Variants in S100A7A observed in about 807,000 individuals in gnomAD.
S100A7A encodes the protein protein S100-A7A.
Under a neutral mutation model 4.0 loss-of-function variants are expected in S100A7A, and 5 were observed. The observed-to-expected ratio is 1.26, with a 90% CI of 0.66 to 2.66. The LOEUF is 2.66. Ranked by LOEUF, S100A7A falls within the 30% of genes most tolerant of loss-of-function variation. The pLI, the probability that S100A7A is intolerant of heterozygous loss-of-function variation, is 0.01. For missense variants in S100A7A, 159 were observed against 125.1 expected (o/e 1.27, Z -1.29); for synonymous variants, 52 against 46.4 (o/e 1.12, Z -0.49).
rs1662925484 is a variant in S100A7A at position 153,422,603 on chromosome 1, T to G, written c.*3294T>G. 4.6e-6 allele frequency: 4 copies of G among 869,598 alleles called. No homozygotes were observed. The South Asian group carries it at 2.1e-4, about 46-fold the overall frequency. The allele number at this position is 869,598 out of a possible 1,614,324, so 53.9% of individuals were successfully genotyped here. A position where few individuals can be genotyped will look rare whatever the true frequency, so the allele number is the denominator to read the frequency against. The stretch of plus-strand genomic sequence containing the variant: ...AAAACATTCCAATAACTTTTTTTTT[T>G]CAGGCGCAGTCTCACTCTGTCGCCC... On this transcript the variant is annotated 3_prime_UTR_variant, in exon 3 of 3. Transcript: ENST00000368729.
intron 2 of S100A7A, 134 bp downstream of exon 2, chr1:153,418,357 G>C: frequency 8.4e-7 from 1 of 1,184,586 alleles, no homozygotes; most frequent in Non-Finnish European, 1.2e-6. Context: ...GGGCTTTATT[G>C]CTTGGATCAT....
chr1:153,417,475 T>A (rs114660874), intron 1 of S100A7A, among the ~76,000 whole-genome samples: 1,739 of 152,314 alleles, frequency 0.011, 32 homozygotes, highest in African/African-American at 0.039. Context: ...AAGGGCCCCC[T>A]GTCCTCGGGA....
chr1:153,417,988 C>G (rs955309255), intron 1 of S100A7A, 78 bp from the exon 2 acceptor site: 55 of 1,558,412 alleles, frequency 3.5e-5, no homozygotes, highest in Non-Finnish European at 4.7e-5. Flanking sequence ...ACTCTGTCCT[C>G]AGCCCTCCTT....
chr1:153,421,695 G>A lies in S100A7A; in HGVS notation c.*2386G>A, dbSNP rs1246477238. The A allele has an allele frequency of 1.3e-5, 2 of 152,256 alleles. No homozygotes were observed. Among genetic ancestry groups the A allele is most frequent in the East Asian group, 1.9e-4 (1 of 5,192 alleles). The allele number at this position is 152,256 out of a possible 1,614,324, so 9.4% of individuals were successfully genotyped here. A position where few individuals can be genotyped will look rare whatever the true frequency, so the allele number is the denominator to read the frequency against. ...GGACTCACGTACTGATCTCCCAAAA[G>A]AAGAGAGGGTCTCCCTGGGGTGGGG... On this transcript the variant is annotated 3_prime_UTR_variant, in exon 3 of 3. Transcript: ENST00000368729.
rs1270762452 is a variant in S100A7A at position 153,421,145 on chromosome 1, C to G, written c.*1836C>G. 6.6e-6 allele frequency: 1 copy of G among 152,180 alleles called. No homozygotes were observed. Among genetic ancestry groups the G allele is most frequent in the Admixed American group, 6.5e-5 (1 of 15,276 alleles). 9.4% of individuals were successfully genotyped at this position (152,180 alleles called of 1,614,324 possible). On this transcript the variant is annotated 3_prime_UTR_variant, in exon 3 of 3. Coordinates refer to ENST00000368729, the MANE Select transcript of S100A7A (RefSeq NM_176823.4). ...ATCTCAGTATTTCATGTCTCAATAC[C>G]AATCTTTTAAACTACTGCCTCTACC...
In S100A7A at chr1:153,419,297, G is replaced by C. The variant is rs371880984; in HGVS notation, c.294G>C (p.Gly98=). 1.2e-6 allele frequency: 2 copies of C among 1,614,092 alleles called. No individual in the cohort carries two copies. The highest frequency in any genetic ancestry group is 1.7e-5 in the Admixed American group (1 of 60,020). Residue 98 remains glycine, a synonymous_variant, in exon 3 of 3, where the codon GGG becomes GGC. Coordinates refer to ENST00000368729, the MANE Select transcript of S100A7A (RefSeq NM_176823.4). Reference sequence around the variant, plus strand: ...GCCATGGAGCGGCGCCCTGTTCTGGGGGAAGCCAGTGATCCAGCCCCACCA... The same window carrying C: ...GCCATGGAGCGGCGCCCTGTTCTGGCGGAAGCCAGTGATCCAGCCCCACCA... The part of the protein sequence containing the change: ...KQSHGAAPCS[G]GSQ
chr1:153,422,378 G>T lies in S100A7A; in HGVS notation c.*3069G>T. On this transcript the variant is annotated 3_prime_UTR_variant, in exon 3 of 3. Transcript: ENST00000368729. Reference sequence around the variant, plus strand: ...AAGGCCTAAGGGCACAGGTATTAGTGTCATATTGATCAGAATTCAACCTTT... The same window carrying T: ...AAGGCCTAAGGGCACAGGTATTAGTTTCATATTGATCAGAATTCAACCTTT... 1 of 360,526 alleles carries T rather than the reference G, an allele frequency of 2.8e-6. No homozygotes were observed. The highest frequency in any genetic ancestry group is 3.9e-6 in the Non-Finnish European group (1 of 258,830). 22.3% of individuals were successfully genotyped at this position (360,526 alleles called of 1,614,324 possible).
intron 1 of S100A7A, among the ~76,000 whole-genome samples, chr1:153,417,641 A>G (rs139489539): frequency 6.6e-6 from 1 of 152,324 alleles, no homozygotes; most frequent in African/African-American, 2.4e-5. Flanking sequence ...CCAGATCACC[A>G]AGGCCATTGT....
rs1226770345 is a variant in S100A7A, at chr1:153,422,104, A to G, written c.*2795A>G. Reference sequence around the variant, plus strand: ...TAGTTAAGATCCCAAATCCTGAGATATTGCTGATTTGCTATGGCAGGTCGT... The same window carrying G: ...TAGTTAAGATCCCAAATCCTGAGATGTTGCTGATTTGCTATGGCAGGTCGT... On this transcript the variant is annotated 3_prime_UTR_variant, in exon 3 of 3. Coordinates refer to ENST00000368729, the MANE Select transcript of S100A7A (RefSeq NM_176823.4). 6.6e-6 allele frequency: 1 copy of G among 152,246 alleles called. No individual in the cohort carries two copies. The highest frequency in any genetic ancestry group is 6.5e-5 in the Admixed American group (1 of 15,282). The allele number at this position is 152,246 out of a possible 1,614,324, so 9.4% of individuals were successfully genotyped here. A position where few individuals can be genotyped will look rare whatever the true frequency, so the allele number is the denominator to read the frequency against.
intron 1 of S100A7A, 167 bp from the exon 2 acceptor site, chr1:153,417,899 A>G (rs1662768455): frequency 2.0e-5 from 17 of 836,016 alleles, no homozygotes; most frequent in Non-Finnish European, 3.0e-5. Flanking sequence ...ACTTGGTCCT[A>G]CCCTCTCATT....
intron 1 of S100A7A, chr1:153,417,854 C>G (rs1662767403): frequency 3.7e-6 from 2 of 542,932 alleles, no homozygotes; most frequent in South Asian, 2.4e-5. Context: ...ACCTGCATCT[C>G]TTCTTGGCCC....
chr1:153,420,846 T>G lies in S100A7A; in HGVS notation c.*1537T>G, dbSNP rs1662881271. The G allele has an allele frequency of 6.6e-6, 1 of 152,118 alleles. No homozygotes were observed. Among genetic ancestry groups the G allele is most frequent in the African/African-American group, 2.4e-5 (1 of 41,256 alleles). 9.4% of individuals were successfully genotyped at this position (152,118 alleles called of 1,614,324 possible). On this transcript the variant is annotated 3_prime_UTR_variant, in exon 3 of 3. Transcript: ENST00000368729. ...CCTTCTCTATGCAGCCTGCCCTCCA[T>G]CATCCACCCCAGAATTGCTCTCTTT...
chr1:153,416,931 G>A (rs1395814229), intron 1 of S100A7A, among the ~76,000 whole-genome samples: 4 of 152,238 alleles, frequency 2.6e-5, no homozygotes, highest in African/African-American at 9.6e-5. Flanking sequence ...CACAGAGGGA[G>A]GAGGGATAAG....
At position 153,422,533 on chromosome 1, in the gene S100A7A, A is replaced by G. The variant is rs1457532651; in HGVS notation, c.*3224A>G. 1.0e-6 allele frequency: 1 copy of G among 985,360 alleles called. No homozygotes were observed. The highest frequency in any genetic ancestry group is 1.2e-6 in the Non-Finnish European group (1 of 829,860). 61.0% of individuals were successfully genotyped at this position (985,360 alleles called of 1,614,324 possible). On this transcript the variant is annotated 3_prime_UTR_variant, in exon 3 of 3. Transcript: ENST00000368729. ...CCACACTCACATTACAGCTGATGTG[A>G]AAGAGATTCTGGAAATCCAAATGTT...
At chr1:153,419,076 C>T in intron 2 of S100A7A, 69 bp from the exon 3 acceptor site, 7 of 1,545,964 alleles carry the variant, frequency 4.5e-6, no homozygotes, top group South Asian at 1.2e-5. Flanking sequence ...CTGCCTCCTC[C>T]TCTCCCCTCC....
chr1:153,418,872 G>C (rs562862740), intron 2 of S100A7A, among the ~76,000 whole-genome samples: 1 of 152,142 alleles, frequency 6.6e-6, no homozygotes, highest in Non-Finnish European at 1.5e-5. Context: ...TGGGGCAGGG[G>C]ACTGCTCTCC....
In S100A7A at chr1:153,422,002, G is replaced by A. The variant is rs561131517; in HGVS notation, c.*2693G>A. Reference sequence around the variant, plus strand: ...AATGCAGGACTCATCACATCTATTCGGATATTCTGTTTACACACCCATGTC... The same window carrying A: ...AATGCAGGACTCATCACATCTATTCAGATATTCTGTTTACACACCCATGTC... On this transcript the variant is annotated 3_prime_UTR_variant, in exon 3 of 3. Coordinates refer to ENST00000368729, the MANE Select transcript of S100A7A (RefSeq NM_176823.4). 4 of 152,286 alleles carry A rather than the reference G, an allele frequency of 2.6e-5. No individual in the cohort carries two copies. The highest frequency in any genetic ancestry group is 4.4e-5 in the Non-Finnish European group (3 of 68,034). 9.4% of individuals were successfully genotyped at this position (152,286 alleles called of 1,614,324 possible).
In S100A7A at chr1:153,419,310, T is replaced by C. The variant is rs3014813; in HGVS notation, c.*1T>C. The C allele has an allele frequency of 0.11, 174,196 of 1,613,200 alleles. 14,214 individuals carry two copies. The highest frequency in any genetic ancestry group is 0.44 in the African/African-American group (32,948 of 74,914). On this transcript the variant is annotated 3_prime_UTR_variant, in exon 3 of 3. Coordinates refer to ENST00000368729, the MANE Select transcript of S100A7A (RefSeq NM_176823.4). ...GCCCTGTTCTGGGGGAAGCCAGTGA[T>C]CCAGCCCCACCAAGGGGCCTCCAGA...
In S100A7A at chr1:153,418,223, T is replaced by C; in HGVS notation, c.141T>C (p.Cys47=). 2.5e-6 allele frequency: 4 copies of C among 1,613,938 alleles called. No homozygotes were observed. Among genetic ancestry groups the C allele is most frequent in the Non-Finnish European group, 2.5e-6 (3 of 1,179,868 alleles). ...KENFPNFLSA[C]DKKGIHYLAT... ...ACTTCCCCAATTTCCTCAGTGCCTG[T>C]GTGAGTTGGGGTCTAGCTTCTCAAT... Residue 47 remains cysteine, a splice_region_variant and synonymous_variant, in exon 2 of 3, where the codon TGT becomes TGC. Coordinates refer to ENST00000368729, the MANE Select transcript of S100A7A (RefSeq NM_176823.4).
Sources: gnomAD v4.1 joint callset for allele counts (sites outside exome capture counted in the v4.1 genomes callset) on GRCh38, gnomAD v4.1.1 for gene constraint, MANE v1.5 for transcripts, NCBI Gene and HGNC (gene_info 2026-07-23, HGNC 2026-07-21) for gene names.